Variants in FZD3 observed in about 807,000 individuals in gnomAD.
FZD3 encodes frizzled-3.
In FZD3, 30 loss-of-function variants were observed where a neutral mutation model predicts 60.7. The ratio of observed to expected loss-of-function variants is 0.49; its 90% confidence interval spans 0.37 to 0.67. The LOEUF is 0.67. FZD3 is among the 30% of genes least tolerant of loss of function. The pLI is 0.00. For missense variants in FZD3, 605 were observed against 838.7 expected, an observed-to-expected ratio of 0.72 and a Z score of 3.44; for synonymous variants, 246 against 275.2, an observed-to-expected ratio of 0.89 and a Z score of 1.05.
At chr8:28,517,935 C>T (rs1368595654) in intron 3 of FZD3, among the ~76,000 whole-genome samples, 1 of 151,980 alleles carries the variant, frequency 6.6e-6, no homozygotes. Context: ...TTACTAAGTG[C>T]TAGACGTTAT....
chr8:28,515,481 C>A (rs1326067055), intron 3 of FZD3, among the ~76,000 whole-genome samples: 2 of 152,226 alleles, frequency 1.3e-5, no homozygotes, highest in African/African-American at 2.4e-5. Context: ...TGTTGGCATA[C>A]TTCTGTGTCT....
chr8:28,570,013 C>T lies in FZD3; in HGVS notation c.*7002C>T, dbSNP rs920113776. 2 of 152,080 alleles carry T rather than the reference C, an allele frequency of 1.3e-5. No individual in the cohort carries two copies. The highest frequency in any genetic ancestry group is 4.8e-5 in the African/African-American group (2 of 41,414). 9.4% of individuals were successfully genotyped at this position (152,080 alleles called of 1,614,324 possible). The stretch of plus-strand genomic sequence containing the variant: ...AGGAGTTGATTGAAAATTTTTTGTT[C>T]AGTAATTATTCTTAAACTGCATTCT... On this transcript the variant is annotated 3_prime_UTR_variant, in exon 8 of 8. Transcript: ENST00000240093.
Position 28,570,274 on chromosome 8 carries a change from C to G in FZD3, c.*7263C>G, listed in dbSNP as rs1281698295. On this transcript the variant is annotated 3_prime_UTR_variant, in exon 8 of 8. Coordinates refer to ENST00000240093, the MANE Select transcript of FZD3 (RefSeq NM_017412.4). ...TGGGAGGCCAAGGTGGGCAGATCACCTGAGGTCAGGAGTTCGAGACCAGCC... is the reference window on the plus strand; with the variant it reads ...TGGGAGGCCAAGGTGGGCAGATCACGTGAGGTCAGGAGTTCGAGACCAGCC... 6.6e-6 allele frequency: 1 copy of G among 151,566 alleles called. No individual in the cohort carries two copies. Among genetic ancestry groups the G allele is most frequent in the Non-Finnish European group, 1.5e-5 (1 of 68,034 alleles). The allele number at this position is 151,566 out of a possible 1,614,324, so 9.4% of individuals were successfully genotyped here. A position where few individuals can be genotyped will look rare whatever the true frequency, so the allele number is the denominator to read the frequency against.
In FZD3 at chr8:28,506,408, G is replaced by A. The variant is rs76967830; in HGVS notation, c.189+3206G>A. ...TTGTTAAGATCAAGTGAGATAAGTG[G>A]CATTTATGTTAAAGAATTTTGAAAA... is the stretch of plus-strand genomic sequence containing the variant. On this transcript the variant is annotated intron_variant, in intron 3 of 7. Transcript: ENST00000240093. Among the ~76,000 whole-genome samples the A allele has an allele frequency of 4.8e-3, 734 of 152,280 alleles. 3 individuals carry two copies. The highest frequency in any genetic ancestry group is 7.3e-3 in the Non-Finnish European group (496 of 68,010).
chr8:28,516,415 T>C (rs1303784604), intron 3 of FZD3, among the ~76,000 whole-genome samples: 1 of 152,220 alleles, frequency 6.6e-6, no homozygotes, highest in Non-Finnish European at 1.5e-5. Flanking sequence ...AGGACCAGCT[T>C]TTCCATTTCT....
At chr8:28,503,234 A>G (rs1289578896) in intron 3 of FZD3, 32 bp downstream of exon 3, 2 of 1,404,232 alleles carry the variant, frequency 1.4e-6, no homozygotes, top group Admixed American at 1.7e-5. Context: ...GACGTATCTT[A>G]GTAAATGACT....
At chr8:28,556,524 T>C (rs898283313) in intron 7 of FZD3, among the ~76,000 whole-genome samples, 1 of 152,228 alleles carries the variant, frequency 6.6e-6, no homozygotes, top group African/African-American at 2.4e-5. Flanking sequence ...GTACCTCATA[T>C]CAGCTTCTGT....
rs879858180 is a variant in FZD3, at chr8:28,520,746, C to A, written c.298C>A (p.Arg100Ser). 4 of 1,612,466 alleles carry A rather than the reference C, an allele frequency of 2.5e-6. No homozygotes were observed. The highest frequency in any genetic ancestry group is 2.5e-6 in the Non-Finnish European group (3 of 1,179,018). The change falls in exon 4 of 8, where the codon CGT (arginine) becomes AGT (serine). Residue 100 changes from arginine (R) to serine (S), a missense_variant. Physicochemically the swap from Arg to Ser is moderately radical, Grantham distance 110. Transcript: ENST00000240093. The part of the protein sequence containing the change: ...MEYGRVTLPC[R>S]RLCQRAYSEC... The stretch of plus-strand genomic sequence containing the variant: ...ATATGGACGTGTCACACTTCCCTGT[C>A]GTAGGCTGTGTCAGCGGGCTTACAG...
At chr8:28,552,786 T>C (rs1275555997) in intron 6 of FZD3, among the ~76,000 whole-genome samples, 1 of 152,186 alleles carries the variant, frequency 6.6e-6, no homozygotes, top group African/African-American at 2.4e-5. Context: ...ACATCACAGT[T>C]TAATATACAG....
In FZD3 at chr8:28,494,306, G is replaced by GCAC. The variant is rs1554530328; in HGVS notation, c.-427_-426insACC. ...GCGGCCGCCCGCGGCAGGCGGTGCA[G>GCAC]CCCCCCCACCCCTTGGAGCCAGGCG... is the stretch of plus-strand genomic sequence containing the variant. On this transcript the variant is annotated 5_prime_UTR_variant, in exon 1 of 8. Coordinates refer to ENST00000240093, the MANE Select transcript of FZD3 (RefSeq NM_017412.4). The GCAC allele has an allele frequency of 1.3e-5, 2 of 151,352 alleles. No homozygotes were observed. Among genetic ancestry groups the GCAC allele is most frequent in the African/African-American group, 4.9e-5 (2 of 41,232 alleles). 9.4% of individuals were successfully genotyped at this position (151,352 alleles called of 1,614,324 possible).
intron 3 of FZD3, among the ~76,000 whole-genome samples, chr8:28,507,346 G>A (rs1453079916): frequency 6.6e-6 from 1 of 151,970 alleles, no homozygotes; most frequent in African/African-American, 2.4e-5. Context: ...CCGTGTCTCT[G>A]TCTCATTTAT....
chr8:28,500,186 A>G (rs368086319), intron 2 of FZD3, among the ~76,000 whole-genome samples: 3 of 152,220 alleles, frequency 2.0e-5, no homozygotes, highest in Non-Finnish European at 2.9e-5. Flanking sequence ...GTCTTGCTGT[A>G]TCAAGATTCT....
rs1178555013 is a variant in FZD3, at chr8:28,523,255, G to A, written c.386+2421G>A. Among the ~76,000 whole-genome samples, 4 of 152,220 alleles carry A rather than the reference G, an allele frequency of 2.6e-5. No individual in the cohort carries two copies. In the South Asian group the frequency reaches 6.2e-4, roughly 24 times the overall value. On this transcript the variant is annotated intron_variant, in intron 4 of 7. Coordinates refer to ENST00000240093, the MANE Select transcript of FZD3 (RefSeq NM_017412.4). Reference sequence around the variant, plus strand: ...TGGAGAGTCTAAGATCAAGGCACAGGCAGGTTGTGTTTCTAGTGAGGGCTG... The same window carrying A: ...TGGAGAGTCTAAGATCAAGGCACAGACAGGTTGTGTTTCTAGTGAGGGCTG...
At chr8:28,539,115 C>T (rs925375102) in intron 5 of FZD3, among the ~76,000 whole-genome samples, 5 of 152,168 alleles carry the variant, frequency 3.3e-5, no homozygotes, top group African/African-American at 7.2e-5. Context: ...TACCCCCGAG[C>T]GATGGACCAG....
rs58957281 is a variant in FZD3 at position 28,532,595 on chromosome 8, CTT to C, written c.1404+4443_1404+4444del. ...GGCATGTGCTACCATGCTTGGCTAACTTTTTTTTTTTTTGTAGAGATGGGGTC... is the reference window on the plus strand; with the variant it reads ...GGCATGTGCTACCATGCTTGGCTAACTTTTTTTTTTTGTAGAGATGGGGTC... On this transcript the variant is annotated intron_variant, in intron 5 of 7. Transcript: ENST00000240093. Among the ~76,000 whole-genome samples, 106 of 145,232 alleles carry C rather than the reference CTT, an allele frequency of 7.3e-4. 1 individual carries two copies. In the East Asian group the frequency reaches 0.016, roughly 22 times the overall value.
intron 1 of FZD3, among the ~76,000 whole-genome samples, chr8:28,497,531 CAAAG>C (rs1803875526): frequency 6.6e-6 from 1 of 152,148 alleles, no homozygotes; most frequent in Non-Finnish European, 1.5e-5. Flanking sequence ...TGAAAAAAGA[CAAAG>C]AATATCCCTC....
chr8:28,519,742 A>AC (rs1804523791), intron 3 of FZD3, among the ~76,000 whole-genome samples: 1 of 151,312 alleles, frequency 6.6e-6, no homozygotes, highest in African/African-American at 2.4e-5. Context: ...AAAAAAAAAA[A>AC]AAAAAACCAA....
intron 5 of FZD3, among the ~76,000 whole-genome samples, chr8:28,540,851 A>G (rs1192010083): frequency 1.3e-5 from 2 of 152,286 alleles, no homozygotes; most frequent in South Asian, 2.1e-4. Flanking sequence ...AGGCTGAGGC[A>G]GGAGAATCCT....
intron 6 of FZD3, among the ~76,000 whole-genome samples, chr8:28,554,154 T>G (rs1263266957): frequency 6.6e-6 from 1 of 152,242 alleles, no homozygotes; most frequent in Non-Finnish European, 1.5e-5. Flanking sequence ...TGACATAGAT[T>G]TAAATATTTT....
Sources: allele counts gnomAD v4.1 joint callset (sites outside exome capture counted in the v4.1 genomes callset), GRCh38; gene constraint gnomAD v4.1.1; transcripts MANE v1.5; gene names NCBI Gene and HGNC (gene_info 2026-07-23, HGNC 2026-07-21).